The following RASSF3 variants were observed in gnomAD, a reference collection of about 807,000 sequenced individuals.
The protein encoded by RASSF3 is ras association domain-containing protein 3.
Under a neutral mutation model 19.9 loss-of-function variants are expected in RASSF3, and 19 were observed. The ratio of observed to expected loss-of-function variants is 0.96; its 90% CI spans 0.67 to 1.40. The LOEUF (loss-of-function observed/expected upper bound fraction) is 1.40. Among genes scored for constraint, RASSF3 ranks in the 40% most tolerant of loss-of-function variants. The pLI is 0.00. For missense variants in RASSF3, 306 were observed against 289.8 expected, an observed-to-expected ratio of 1.06 and a Z score of -0.41; for synonymous variants, 110 against 104.2, an observed-to-expected ratio of 1.06 and a Z score of -0.34.
chr12:64,631,503 G>T (rs950530230), intron 1 of RASSF3, among the ~76,000 whole-genome samples: 1 of 152,096 alleles, frequency 6.6e-6, no homozygotes, highest in African/African-American at 2.4e-5. Context: ...CTACAAGGGC[G>T]AGGGAAGTGG....
chr12:64,632,805 A>T (rs551152122), intron 1 of RASSF3, among the ~76,000 whole-genome samples: 24 of 152,294 alleles, frequency 1.6e-4, no homozygotes, highest in African/African-American at 5.5e-4. Context: ...GAAGCATGAG[A>T]TCATCATCCT....
intron 1 of RASSF3, among the ~76,000 whole-genome samples, chr12:64,624,584 AC>A (rs1870919402): frequency 6.6e-6 from 1 of 150,956 alleles, no homozygotes; most frequent in South Asian, 2.1e-4. Context: ...AAATCGTTGT[AC>A]CTCTTTGAGC....
intron 1 of RASSF3, among the ~76,000 whole-genome samples, chr12:64,513,354 G>A (rs1868339489): frequency 1.3e-5 from 2 of 151,492 alleles, no homozygotes; most frequent in East Asian, 1.9e-4. Context: ...GGAGGCTGAC[G>A]CAGAAGAATT....
chr12:64,615,323 A>AG (rs1455811876), intron 1 of RASSF3, among the ~76,000 whole-genome samples: 1 of 152,236 alleles, frequency 6.6e-6, no homozygotes, highest in Non-Finnish European at 1.5e-5. Flanking sequence ...CATGGGAATA[A>AG]GGAAATGAGA....
At position 64,610,756 on chromosome 12, in the gene RASSF3, C is replaced by A. The variant is rs769185017; in HGVS notation, c.111+13C>A. 1 of 1,556,876 alleles carries A rather than the reference C, an allele frequency of 6.4e-7. No individual in the cohort carries two copies. ...CTCCGGCCAACAAGTGAGTGGCGCGCGGCGGGCGCTGCAGCCCGCGCCCCA... is the reference window on the plus strand; with the variant it reads ...CTCCGGCCAACAAGTGAGTGGCGCGAGGCGGGCGCTGCAGCCCGCGCCCCA... On this transcript the variant is annotated intron_variant, in intron 1 of 4. Coordinates refer to ENST00000542104, the MANE Select transcript of RASSF3 (RefSeq NM_178169.4).
intron 2 of RASSF3, among the ~76,000 whole-genome samples, chr12:64,570,103 C>A (rs1869494566): frequency 6.6e-6 from 1 of 152,360 alleles, no homozygotes; most frequent in South Asian, 2.1e-4. Context: ...TACCTTCCGC[C>A]TTGGCTGTTT....
chr12:64,619,186 G>C (rs1248036624), intron 1 of RASSF3, among the ~76,000 whole-genome samples: 1 of 152,036 alleles, frequency 6.6e-6, no homozygotes, highest in Admixed American at 6.6e-5. Flanking sequence ...TGGATGTGGG[G>C]GTACCAGCCT....
intron 1 of RASSF3, among the ~76,000 whole-genome samples, chr12:64,520,617 CCAGACTGG>C (rs1349340236): frequency 7.4e-6 from 1 of 135,628 alleles, no homozygotes; most frequent in Non-Finnish European, 1.6e-5. Flanking sequence ...TTGTAGGTTC[CCAGACTGG>C]AAACCTAGAA....
chr12:64,630,184 T>C (rs1250474116), intron 1 of RASSF3, among the ~76,000 whole-genome samples: 1 of 151,884 alleles, frequency 6.6e-6, no homozygotes, highest in Non-Finnish European at 1.5e-5. Context: ...AAAGGGAAAA[T>C]GTGGGCTGCC....
chr12:64,557,740 G>A (rs950982538), intron 2 of RASSF3, among the ~76,000 whole-genome samples: 2 of 151,992 alleles, frequency 1.3e-5, no homozygotes, highest in Admixed American at 1.3e-4. Context: ...GATGGCACTC[G>A]ATATTTGCAT....
chr12:64,644,806 T>G (rs1190421567), intron 1 of RASSF3, among the ~76,000 whole-genome samples: 1 of 152,246 alleles, frequency 6.6e-6, no homozygotes, highest in Non-Finnish European at 1.5e-5. Flanking sequence ...GTTTATCCTG[T>G]TACTTCCAGG....
chr12:64,682,691 G>A (rs1413364054), intron 1 of RASSF3, among the ~76,000 whole-genome samples: 2 of 151,750 alleles, frequency 1.3e-5, no homozygotes, highest in Non-Finnish European at 2.9e-5. Flanking sequence ...ACGTGGTATT[G>A]ACGCAAGTTC....
At chr12:64,685,138 T>C (rs1251649804) in intron 2 of RASSF3, among the ~76,000 whole-genome samples, 1 of 152,238 alleles carries the variant, frequency 6.6e-6, no homozygotes, top group East Asian at 1.9e-4. Flanking sequence ...ATAATTTTAT[T>C]TTAAAAGATT....
rs115841085 is a variant in RASSF3 at position 64,511,731 on chromosome 12, C to A, written c.169+4402C>A. Reference sequence around the variant, plus strand: ...CCAATCAAATATTGTTTCCAGGACACCCCCTTGAAGATAAAAGCCTATCGT... The same window carrying A: ...CCAATCAAATATTGTTTCCAGGACAACCCCTTGAAGATAAAAGCCTATCGT... On this transcript the variant is annotated intron_variant, in intron 1 of 5. Coordinates refer to the RASSF3 transcript ENST00000637125. Among the ~76,000 whole-genome samples the A allele has an allele frequency of 2.0e-5, 3 of 152,126 alleles. No individual in the cohort carries two copies. In the South Asian group the frequency reaches 6.2e-4, roughly 32 times the overall value.
At chr12:64,515,064 T>A (rs1265033153) in intron 1 of RASSF3, among the ~76,000 whole-genome samples, 1 of 151,996 alleles carries the variant, frequency 6.6e-6, no homozygotes, top group Non-Finnish European at 1.5e-5. Flanking sequence ...TTTTTATTTA[T>A]TTTTTTCTTT....
intron 2 of RASSF3, among the ~76,000 whole-genome samples, chr12:64,685,344 A>G (rs942469108): frequency 6.6e-6 from 1 of 152,162 alleles, no homozygotes; most frequent in African/African-American, 2.4e-5. Flanking sequence ...CTCCGGGCTC[A>G]AGTAATCCTC....
chr12:64,652,733 G>T (rs1288357404), intron 1 of RASSF3, among the ~76,000 whole-genome samples: 2 of 152,138 alleles, frequency 1.3e-5, no homozygotes, highest in Non-Finnish European at 2.9e-5. Context: ...GGTTACTGCA[G>T]TAATCACACT....
chr12:64,538,464 C>A (rs1310244946), intron 1 of RASSF3, among the ~76,000 whole-genome samples: 1 of 152,102 alleles, frequency 6.6e-6, no homozygotes, highest in African/African-American at 2.4e-5. Context: ...ACGACTCAGC[C>A]CATAACACTA....
At chr12:64,631,742 G>A (rs964380078) in intron 1 of RASSF3, among the ~76,000 whole-genome samples, 1 of 152,000 alleles carries the variant, frequency 6.6e-6, no homozygotes, top group African/African-American at 2.4e-5. Context: ...GTTAATTTTT[G>A]TATTTTTAGT....
Sources: allele counts gnomAD v4.1 joint callset (sites outside exome capture counted in the v4.1 genomes callset), GRCh38; gene constraint gnomAD v4.1.1; transcripts MANE v1.5; gene names NCBI Gene and HGNC (gene_info 2026-07-23, HGNC 2026-07-21).